Variants in MAGI3 observed in about 807,000 individuals in gnomAD.
MAGI3 encodes membrane associated guanylate kinase, WW and PDZ domain containing 3.
MAGI3 carries 43 observed loss-of-function variants against 121.8 expected under a neutral mutation model. The ratio of observed to expected loss-of-function variants is 0.35; its 90% CI spans 0.28 to 0.46. The LOEUF is 0.46. MAGI3 is among the 20% of genes least tolerant of loss of function. The pLI, the probability that MAGI3 is intolerant of heterozygous loss-of-function variation, is 1.00. For synonymous variants in MAGI3, 553 were observed against 639.3 expected (o/e 0.86, Z 2.04); for missense variants, 1,547 against 1,797.3 (o/e 0.86, Z 2.52).
intron 1 of MAGI3, among the ~76,000 whole-genome samples, chr1:113,397,010 A>G (rs1651148992): frequency 6.6e-6 from 1 of 152,200 alleles, no homozygotes; most frequent in Non-Finnish European, 1.5e-5. Context: ...CATCACAAAA[A>G]GAGGGAAATC....
chr1:113,578,072 C>T (rs1647765772), intron 2 of MAGI3, among the ~76,000 whole-genome samples: 1 of 152,114 alleles, frequency 6.6e-6, no homozygotes, highest in Non-Finnish European at 1.5e-5. Flanking sequence ...TAATCATTGA[C>T]AGCTCAACTG....
chr1:113,608,213 G>T (rs1248458173), intron 6 of MAGI3, among the ~76,000 whole-genome samples: 1 of 151,936 alleles, frequency 6.6e-6, no homozygotes, highest in Non-Finnish European at 1.5e-5. Flanking sequence ...TGTTTGAAAA[G>T]AGGGAAAGAG....
At chr1:113,554,573 C>A (rs147345472) in intron 2 of MAGI3, among the ~76,000 whole-genome samples, 1 of 150,458 alleles carries the variant, frequency 6.6e-6, no homozygotes, top group East Asian at 1.9e-4. Flanking sequence ...GGAAATTGGA[C>A]GAGGAATATG....
chr1:113,427,696 T>C (rs949273694), intron 1 of MAGI3, among the ~76,000 whole-genome samples: 4 of 152,114 alleles, frequency 2.6e-5, no homozygotes, highest in Non-Finnish European at 4.4e-5. Context: ...TAGTTGTATA[T>C]ACAGGCGAAG....
intron 1 of MAGI3, among the ~76,000 whole-genome samples, chr1:113,482,363 A>G (rs916514482): frequency 1.4e-5 from 2 of 145,766 alleles, no homozygotes; most frequent in African/African-American, 5.0e-5. Context: ...TGTTCAGCCT[A>G]TTTTTTTTTT....
intron 2 of MAGI3, among the ~76,000 whole-genome samples, chr1:113,578,139 T>G (rs192797163): frequency 2.0e-4 from 30 of 152,300 alleles, no homozygotes; most frequent in Admixed American, 3.3e-4. Context: ...CTGCTTTTTG[T>G]TGGCTTGGGC....
intron 1 of MAGI3, among the ~76,000 whole-genome samples, chr1:113,424,409 T>A (rs556000100): frequency 6.6e-6 from 1 of 152,086 alleles, no homozygotes; most frequent in Non-Finnish European, 1.5e-5. Flanking sequence ...CCCACCTCTT[T>A]GCCACCCCTC....
chr1:113,677,232 C>T (rs546967012), intron 19 of MAGI3, among the ~76,000 whole-genome samples: 11 of 152,256 alleles, frequency 7.2e-5, no homozygotes, highest in African/African-American at 2.4e-4. Context: ...AAATATTTAA[C>T]GTAGAACATA....
intron 16 of MAGI3, among the ~76,000 whole-genome samples, chr1:113,669,632 C>A (rs1230068423): frequency 6.6e-6 from 1 of 152,138 alleles, no homozygotes; most frequent in Non-Finnish European, 1.5e-5. Flanking sequence ...TGGGTTCAAA[C>A]GATTCTCCTG....
chr1:113,476,520 A>C (rs1435853624), intron 1 of MAGI3, among the ~76,000 whole-genome samples: 1 of 152,176 alleles, frequency 6.6e-6, no homozygotes, highest in Non-Finnish European at 1.5e-5. Context: ...GTTTCCATGA[A>C]GTTGTGCAGT....
intron 9 of MAGI3, among the ~76,000 whole-genome samples, chr1:113,639,551 G>T (rs906454774): frequency 5.9e-5 from 9 of 151,726 alleles, no homozygotes; most frequent in African/African-American, 1.9e-4. Flanking sequence ...ACAGGCGCAC[G>T]CCACCATGCC....
intron 2 of MAGI3, among the ~76,000 whole-genome samples, chr1:113,558,370 CCT>C (rs991352763): frequency 6.6e-6 from 1 of 152,036 alleles, no homozygotes; most frequent in Non-Finnish European, 1.5e-5. Context: ...AACATAACCC[CCT>C]GTTATAGCTG....
intron 1 of MAGI3, among the ~76,000 whole-genome samples, chr1:113,421,952 T>G (rs1204772497): frequency 6.6e-6 from 1 of 152,126 alleles, no homozygotes; most frequent in Non-Finnish European, 1.5e-5. Context: ...CTGGACTGAG[T>G]GCTTTCTTAG....
intron 2 of MAGI3, among the ~76,000 whole-genome samples, chr1:113,560,987 C>A (rs1660211900): frequency 6.6e-6 from 1 of 152,144 alleles, no homozygotes; most frequent in Non-Finnish European, 1.5e-5. Context: ...CTATAAACAC[C>A]TCTTTGCAAA....
rs577760031 is a variant in MAGI3 at position 113,599,014 on chromosome 1, G to A, written c.1018+4454G>A. Among the ~76,000 whole-genome samples, 166 of 152,198 alleles carry A rather than the reference G, an allele frequency of 1.1e-3. 2 individuals carry two copies. The highest frequency in any genetic ancestry group is 4.4e-4 in the Non-Finnish European group (30 of 68,012). On this transcript the variant is annotated intron_variant, in intron 6 of 20. Coordinates refer to ENST00000307546, the MANE Select transcript of MAGI3 (RefSeq NM_001142782.2). ...TCCCTCTGCACACTGCTTTGAATGT[G>A]TCCCAGAGATTCTGGTATGTTGTCT...
intron 1 of MAGI3, among the ~76,000 whole-genome samples, chr1:113,424,547 C>T (rs1652903134): frequency 6.6e-6 from 1 of 152,144 alleles, no homozygotes; most frequent in Non-Finnish European, 1.5e-5. Flanking sequence ...AAACTGTTAT[C>T]TCAATGGAAT....
chr1:113,605,911 A>T (rs1317117338), intron 6 of MAGI3, among the ~76,000 whole-genome samples: 1 of 150,732 alleles, frequency 6.6e-6, no homozygotes, highest in Non-Finnish European at 1.5e-5. Flanking sequence ...TTTTTTTTTT[A>T]CCATTAAAAG....
chr1:113,596,638 A>G (rs1190508701), intron 6 of MAGI3, among the ~76,000 whole-genome samples: 4 of 152,190 alleles, frequency 2.6e-5, no homozygotes, highest in Admixed American at 2.0e-4. Context: ...AATATTGCCA[A>G]ATTTTAAAAT....
At chr1:113,595,518 A>G (rs979374713) in intron 6 of MAGI3, among the ~76,000 whole-genome samples, 3 of 111,318 alleles carry the variant, frequency 2.7e-5, no homozygotes, top group African/African-American at 1.3e-4. Context: ...ATTGAAGTCC[A>G]ATCTATAAAA....
Sources: gnomAD v4.1 joint callset for allele counts (sites outside exome capture counted in the v4.1 genomes callset) on GRCh38, gnomAD v4.1.1 for gene constraint, MANE v1.5 for transcripts, NCBI Gene and HGNC (gene_info 2026-07-23, HGNC 2026-07-21) for gene names.